The following SNX6 variants were observed in gnomAD, a reference collection of about 807,000 sequenced individuals.
The protein encoded by SNX6 is sorting nexin-6.
Under a neutral mutation model 63.0 loss-of-function variants are expected in SNX6, and 34 were observed. That is an observed-to-expected ratio of 0.54 (90% CI 0.41 to 0.72). The LOEUF is 0.72. Ranked by LOEUF, SNX6 falls within the 30% of genes least tolerant of loss-of-function variation. The pLI is 0.00. For missense variants in SNX6, 398 were observed against 471.4 expected (o/e 0.84, Z 1.44); for synonymous variants, 170 against 164.2 (o/e 1.04, Z -0.27).
chr14:34,567,403 C>T (rs1367936294), intron 13 of SNX6, among the ~76,000 whole-genome samples: 5 of 152,126 alleles, frequency 3.3e-5, no homozygotes, highest in Non-Finnish European at 7.3e-5. Context: ...GTGAGAATCG[C>T]TTGAACCCGG....
At chr14:34,621,805 C>T (rs1883630523) in intron 2 of SNX6, among the ~76,000 whole-genome samples, 1 of 152,160 alleles carries the variant, frequency 6.6e-6, no homozygotes, top group South Asian at 2.1e-4. Context: ...ATCCCTCTTC[C>T]ACTGCCTTAG....
chr14:34,615,124 G>GT (rs201696678), intron 2 of SNX6, among the ~76,000 whole-genome samples: 1,861 of 147,146 alleles, frequency 0.013, 34 homozygotes, highest in African/African-American at 0.041. Flanking sequence ...TTATTGTTTA[G>GT]TTTTTTTTTT....
intron 11 of SNX6, among the ~76,000 whole-genome samples, chr14:34,569,973 G>C (rs1881368287): frequency 6.6e-6 from 1 of 152,050 alleles, no homozygotes; most frequent in Non-Finnish European, 1.5e-5. Context: ...TTCCATAGTG[G>C]CTGAACATTT....
intron 11 of SNX6, among the ~76,000 whole-genome samples, chr14:34,575,350 G>T (rs10132694): frequency 0.014 from 2,166 of 151,940 alleles, 53 homozygotes; most frequent in African/African-American, 0.05. Context: ...ACAGGCACCC[G>T]CCACCATGCC....
chr14:34,588,131 T>C (rs1882249818), intron 8 of SNX6, among the ~76,000 whole-genome samples: 1 of 151,672 alleles, frequency 6.6e-6, no homozygotes, highest in South Asian at 2.1e-4. Context: ...CCTCAGCCTC[T>C]TGAGTAGCTG....
intron 10 of SNX6, among the ~76,000 whole-genome samples, chr14:34,580,623 A>G (rs1300891282): frequency 2.0e-5 from 3 of 150,532 alleles, no homozygotes; most frequent in African/African-American, 7.3e-5. Flanking sequence ...GGTATATAGT[A>G]TTTAATTAAT....
intron 4 of SNX6, among the ~76,000 whole-genome samples, chr14:34,606,642 C>A (rs934288563): frequency 6.6e-6 from 1 of 151,858 alleles, no homozygotes; most frequent in African/African-American, 2.4e-5. Context: ...AGTAGAGATG[C>A]GGTTTCTCCA....
chr14:34,612,675 C>T (rs1883276607), intron 2 of SNX6, among the ~76,000 whole-genome samples: 1 of 151,794 alleles, frequency 6.6e-6, no homozygotes. Context: ...CTCAGGTGAT[C>T]CACCTGCCTC....
At chr14:34,622,239 G>C (rs1176950783) in intron 2 of SNX6, among the ~76,000 whole-genome samples, 1 of 147,514 alleles carries the variant, frequency 6.8e-6, no homozygotes, top group Non-Finnish European at 1.5e-5. Flanking sequence ...TGGGATTATA[G>C]GCATGAGCCA....
At chr14:34,567,067 T>C (rs1004190497) in intron 13 of SNX6, among the ~76,000 whole-genome samples, 7 of 147,816 alleles carry the variant, frequency 4.7e-5, no homozygotes, top group Non-Finnish European at 7.5e-5. Context: ...CTACTAAAAA[T>C]ACAAAAATTA....
At chr14:34,586,433 A>T in intron 8 of SNX6, 128 bp from the exon 9 acceptor site, 18 of 374,808 alleles carry the variant, frequency 4.8e-5, no homozygotes, top group Non-Finnish European at 7.1e-5. Flanking sequence ...AGCAACAGGC[A>T]TGGTGGCTCA....
chr14:34,577,742 T>C (rs1466885207), intron 10 of SNX6, among the ~76,000 whole-genome samples: 1 of 152,094 alleles, frequency 6.6e-6, no homozygotes, highest in Non-Finnish European at 1.5e-5. Context: ...ATGAGACAAT[T>C]GGGAAAATGT....
At chr14:34,581,457 G>T in intron 10 of SNX6, 104 bp downstream of exon 10, 1 of 634,868 alleles carries the variant, frequency 1.6e-6, no homozygotes, top group Middle Eastern at 3.4e-4. Flanking sequence ...GGCCAATAGT[G>T]ATCACTCTTT....
At chr14:34,617,332 G>A (rs1013773241) in intron 2 of SNX6, among the ~76,000 whole-genome samples, 1 of 152,076 alleles carries the variant, frequency 6.6e-6, no homozygotes, top group East Asian at 1.9e-4. Flanking sequence ...GTGACCTGTT[G>A]TTCCACATAT....
chr14:34,590,272 C>T (rs1594718868), intron 8 of SNX6, among the ~76,000 whole-genome samples: 1 of 151,448 alleles, frequency 6.6e-6, no homozygotes, highest in Admixed American at 6.6e-5. Flanking sequence ...ACTAAAAATA[C>T]AAAAAATTAG....
chr14:34,587,260 C>A (rs554685424), intron 8 of SNX6, among the ~76,000 whole-genome samples: 1 of 151,550 alleles, frequency 6.6e-6, no homozygotes, highest in Admixed American at 6.6e-5. Context: ...TGGCCGGGCA[C>A]GGTGGCTCAT....
At chr14:34,590,881 A>AC (rs1355833662) in intron 8 of SNX6, among the ~76,000 whole-genome samples, 3 of 152,256 alleles carry the variant, frequency 2.0e-5, no homozygotes, top group African/African-American at 7.2e-5. Flanking sequence ...ATGGAACACT[A>AC]CTTAGCAACA....
intron 3 of SNX6, 131 bp downstream of exon 3, chr14:34,609,507 A>ACATTTTC (rs1410506403): frequency 2.3e-6 from 1 of 429,346 alleles, no homozygotes; most frequent in African/African-American, 2.1e-5. Context: ...AAAAAAAAGT[A>ACATTTTC]CATTTTCCTA....
chr14:34,563,513 C>T (rs12886285), intron 13 of SNX6, among the ~76,000 whole-genome samples: 2 of 150,180 alleles, frequency 1.3e-5, no homozygotes, highest in African/African-American at 4.9e-5. Flanking sequence ...GAGCAGAGAT[C>T]GCGCCACTGC....
Sources: gnomAD v4.1 joint callset for allele counts (sites outside exome capture counted in the v4.1 genomes callset) on GRCh38, gnomAD v4.1.1 for gene constraint, MANE v1.5 for transcripts, NCBI Gene and HGNC (gene_info 2026-07-23, HGNC 2026-07-21) for gene names.